SCHIP1: variants seen among roughly 807,000 people sequenced by gnomAD.
The protein encoded by SCHIP1 is schwannomin interacting protein 1.
A neutral mutation model predicts 29.7 loss-of-function variants in SCHIP1; 8 were observed. The observed-to-expected ratio is 0.27, with a 90% CI of 0.16 to 0.49. The LOEUF is 0.49. Among genes scored for constraint, SCHIP1 ranks in the 20% least tolerant of loss-of-function variants. The pLI is 0.99. For synonymous variants in SCHIP1, 76 were observed against 94.9 expected, an observed-to-expected ratio of 0.80 and a Z score of 1.16; for missense variants, 193 against 294.6, an observed-to-expected ratio of 0.66 and a Z score of 2.52.
chr3:159,549,333 C>T, the SCHIP1 span, among the ~76,000 whole-genome samples: 6,608 of 152,102 alleles, frequency 0.043, 198 homozygotes, highest in East Asian at 0.063. Context: ...TTATAGCTAC[C>T]CCATTGTTAT....
chr3:159,328,153 C>T, the SCHIP1 span, among the ~76,000 whole-genome samples: 1 of 152,188 alleles, frequency 6.6e-6, no homozygotes, highest in East Asian at 1.9e-4. Context: ...AAATTAAAAA[C>T]TCAATTCCTC....
chr3:159,599,869 T>C, the SCHIP1 span, among the ~76,000 whole-genome samples: 2 of 152,330 alleles, frequency 1.3e-5, no homozygotes, highest in Non-Finnish European at 2.9e-5. Flanking sequence ...TCACTTCCAG[T>C]GTAGGACTCC....
At chr3:159,859,079 A>G (rs1373702806) in intron 1 of SCHIP1, among the ~76,000 whole-genome samples, 1 of 152,242 alleles carries the variant, frequency 6.6e-6, no homozygotes, top group Non-Finnish European at 1.5e-5. Context: ...TTTTTAACTT[A>G]TATTTACTTC....
the SCHIP1 span, among the ~76,000 whole-genome samples, chr3:159,596,017 C>A: frequency 6.6e-6 from 1 of 152,188 alleles, no homozygotes; most frequent in Non-Finnish European, 1.5e-5. Context: ...GAACAGGCAA[C>A]CTACAGAATG....
chr3:159,841,476 G>C (rs1170153947), intron 1 of SCHIP1, among the ~76,000 whole-genome samples: 1 of 151,512 alleles, frequency 6.6e-6, no homozygotes, highest in Non-Finnish European at 1.5e-5. Flanking sequence ...GAGGGTAGGG[G>C]ATGTCAAGTA....
chr3:159,557,988 G>A, the SCHIP1 span, among the ~76,000 whole-genome samples: 5,672 of 152,262 alleles, frequency 0.037, 370 homozygotes, highest in East Asian at 0.31. Context: ...GGAATCACTG[G>A]CCAGAGAAGG....
chr3:159,804,571 T>A, the SCHIP1 span, among the ~76,000 whole-genome samples: 1 of 152,286 alleles, frequency 6.6e-6, no homozygotes, highest in Admixed American at 6.5e-5. Flanking sequence ...GTCTGCAGGG[T>A]AGGGTGAGCT....
chr3:159,367,491 A>G, the SCHIP1 span, among the ~76,000 whole-genome samples: 36 of 152,018 alleles, frequency 2.4e-4, no homozygotes, highest in Non-Finnish European at 3.1e-4. Context: ...AGAAACTTCA[A>G]TCTTCTGTGA....
the SCHIP1 span, among the ~76,000 whole-genome samples, chr3:159,519,424 A>T: frequency 1.3e-5 from 2 of 152,144 alleles, no homozygotes; most frequent in Admixed American, 6.5e-5. Flanking sequence ...CTTCATTATT[A>T]TATACTAGTA....
chr3:159,616,385 A>G, the SCHIP1 span, among the ~76,000 whole-genome samples: 1 of 152,146 alleles, frequency 6.6e-6, no homozygotes, highest in Non-Finnish European at 1.5e-5. Context: ...TACTGGCATG[A>G]GCCACCACGC....
the SCHIP1 span, among the ~76,000 whole-genome samples, chr3:159,366,185 G>A: frequency 6.6e-6 from 1 of 152,086 alleles, no homozygotes; most frequent in Non-Finnish European, 1.5e-5. Flanking sequence ...GAGAGAAAGA[G>A]AGTGGGCTGG....
chr3:159,558,686 C>T, the SCHIP1 span, among the ~76,000 whole-genome samples: 3 of 152,194 alleles, frequency 2.0e-5, no homozygotes, highest in Admixed American at 6.5e-5. Flanking sequence ...AGAGTCTCAT[C>T]GGTAGCCCCT....
At chr3:159,652,148 CATGTTT>C in the SCHIP1 span, among the ~76,000 whole-genome samples, 2 of 151,964 alleles carry the variant, frequency 1.3e-5, no homozygotes, top group Non-Finnish European at 2.9e-5. Context: ...ATATTTGGCT[CATGTTT>C]ATGGTCTATA....
chr3:159,610,508 T>G, the SCHIP1 span, among the ~76,000 whole-genome samples: 1,863 of 152,300 alleles, frequency 0.012, 37 homozygotes, highest in African/African-American at 0.042. Context: ...ATGCCAAATG[T>G]GGTTCAAAGA....
At chr3:159,700,599 C>T in the SCHIP1 span, among the ~76,000 whole-genome samples, 1 of 152,044 alleles carries the variant, frequency 6.6e-6, no homozygotes, top group African/African-American at 2.4e-5. Context: ...GCTGGTGGGT[C>T]ACCTAAGGTC....
the SCHIP1 span, among the ~76,000 whole-genome samples, chr3:159,320,193 A>G: frequency 0.026 from 3,915 of 152,334 alleles, 165 homozygotes; most frequent in African/African-American, 0.09. Context: ...GTTATTAAAC[A>G]AAGAAAAATT....
chr3:159,398,239 G>A, the SCHIP1 span, among the ~76,000 whole-genome samples: 1 of 152,124 alleles, frequency 6.6e-6, no homozygotes, highest in Admixed American at 6.5e-5. Flanking sequence ...ACTCCCTAGT[G>A]AGATGAACCC....
the SCHIP1 span, among the ~76,000 whole-genome samples, chr3:159,329,551 G>A: frequency 1.3e-5 from 2 of 152,244 alleles, no homozygotes; most frequent in East Asian, 1.9e-4. Flanking sequence ...AGTGGGATGG[G>A]GTTCAGAGTG....
At chr3:159,423,224 G>A in the SCHIP1 span, among the ~76,000 whole-genome samples, 11 of 152,302 alleles carry the variant, frequency 7.2e-5, no homozygotes, top group Middle Eastern at 6.8e-3. Flanking sequence ...TGGGTGCAGC[G>A]CACCATGCGC....
Sources: gnomAD v4.1 joint callset for allele counts (sites outside exome capture counted in the v4.1 genomes callset) on GRCh38, gnomAD v4.1.1 for gene constraint, MANE v1.5 for transcripts, NCBI Gene and HGNC (gene_info 2026-07-23, HGNC 2026-07-21) for gene names.